The following C4orf36 variants were observed in gnomAD, a reference collection of about 807,000 sequenced individuals.
The protein encoded by C4orf36 is chromosome 4 open reading frame 36.
A neutral mutation model predicts 12.2 loss-of-function variants in C4orf36; 11 were observed. The ratio of observed to expected loss-of-function variants is 0.90; its 90% CI spans 0.57 to 1.49. C4orf36 has a LOEUF of 1.49. Among genes scored for constraint, C4orf36 ranks in the 40% most tolerant of loss-of-function variants. C4orf36 has a pLI of 0.00. For missense variants in C4orf36, 137 were observed against 133.9 expected, an observed-to-expected ratio of 1.02 and a Z score of -0.11; for synonymous variants, 54 against 51.3, an observed-to-expected ratio of 1.05 and a Z score of -0.22.
At chr4:86,888,753 C>T (rs760318398) in intron 2 of C4orf36, among the ~76,000 whole-genome samples, 14 of 152,196 alleles carry the variant, frequency 9.2e-5, no homozygotes, top group Non-Finnish European at 1.9e-4. Context: ...AAAAATTGTT[C>T]TCTTTCACCT....
intron 4 of C4orf36, among the ~76,000 whole-genome samples, chr4:86,878,321 G>A (rs1162444077): frequency 6.6e-6 from 1 of 152,108 alleles, no homozygotes; most frequent in Admixed American, 6.5e-5. Context: ...CTCGATATTG[G>A]AATGCATAGG....
At chr4:86,911,568 T>C in the C4orf36 span, among the ~76,000 whole-genome samples, 1 of 152,238 alleles carries the variant, frequency 6.6e-6, no homozygotes, top group South Asian at 2.1e-4. Flanking sequence ...TTTTTCTTAT[T>C]TCTTTGATGA....
the C4orf36 span, among the ~76,000 whole-genome samples, chr4:86,917,429 AAAAG>A: frequency 8.2e-3 from 1,239 of 150,384 alleles, 25 homozygotes; most frequent in African/African-American, 0.029. Flanking sequence ...GAGAGAAAGA[AAAAG>A]AAAGGGAGAG....
chr4:86,923,087 C>G, the C4orf36 span, among the ~76,000 whole-genome samples: 1 of 134,774 alleles, frequency 7.4e-6, no homozygotes, highest in African/African-American at 2.7e-5. Flanking sequence ...ATCCAGCTGC[C>G]TTTTTTTTTT....
rs1317740670 is a variant in C4orf36, at chr4:86,887,769, T to C, written c.345A>G (p.Pro115=). 6.2e-7 allele frequency: 1 copy of C among 1,614,252 alleles called. No individual in the cohort carries two copies. The highest frequency in any genetic ancestry group is 1.1e-5 in the South Asian group (1 of 91,090). The change falls in exon 4 of 5, where the codon CCA becomes CCG. Residue 115 remains proline, a synonymous_variant. Coordinates refer to ENST00000295898, the MANE Select transcript of C4orf36 (RefSeq NM_144645.4). The part of the protein sequence containing the change: ...ERPAGLRRPL[P]SK ...AATCATGAACTGACTGTCATTTAGA[T>C]GGAAGAGGTCTTCTCAAACCGGCTG...
At chr4:86,916,887 G>A in the C4orf36 span, among the ~76,000 whole-genome samples, 3 of 152,108 alleles carry the variant, frequency 2.0e-5, no homozygotes, top group African/African-American at 7.2e-5. Context: ...TAACTTAAAG[G>A]CAAAATTGCT....
the C4orf36 span, chr4:86,934,942 T>C: frequency 6.8e-6 from 1 of 147,994 alleles, no homozygotes; most frequent in African/African-American, 2.5e-5. Context: ...GAGGTGGGGG[T>C]GGGGGCGGGG....
chr4:86,923,711 T>C, the C4orf36 span, among the ~76,000 whole-genome samples: 2 of 149,442 alleles, frequency 1.3e-5, no homozygotes, highest in African/African-American at 2.5e-5. Context: ...TGTAGTGATC[T>C]GAGATCGCAC....
At chr4:86,886,397 A>G (rs1393720282) in intron 4 of C4orf36, 1 of 152,238 alleles carries the variant, frequency 6.6e-6, no homozygotes, top group Non-Finnish European at 1.5e-5. Context: ...CAGAATCTAC[A>G]AGGAACTCAA....
the C4orf36 span, chr4:86,925,728 G>T: frequency 6.6e-6 from 1 of 151,118 alleles, no homozygotes; most frequent in Non-Finnish European, 1.5e-5. Flanking sequence ...CTTTATGTAT[G>T]TTACTTTGAC....
the C4orf36 span, among the ~76,000 whole-genome samples, chr4:86,927,661 G>A: frequency 2.6e-5 from 4 of 152,046 alleles, no homozygotes; most frequent in Admixed American, 6.6e-5. Flanking sequence ...TTAGCCAGGC[G>A]TGGTGGTGGG....
the C4orf36 span, among the ~76,000 whole-genome samples, chr4:86,898,002 C>T: frequency 0.14 from 21,890 of 152,244 alleles, 2,054 homozygotes; most frequent in East Asian, 0.32. Context: ...GCTGTTACAA[C>T]GTCACCCTAT....
the C4orf36 span, among the ~76,000 whole-genome samples, chr4:86,915,631 T>C: frequency 6.6e-6 from 1 of 151,988 alleles, no homozygotes; most frequent in South Asian, 2.1e-4. Context: ...CTACTAAAAA[T>C]ACAAAATTAG....
the C4orf36 span, among the ~76,000 whole-genome samples, chr4:86,932,544 C>T: frequency 2.0e-5 from 3 of 151,896 alleles, no homozygotes; most frequent in Non-Finnish European, 4.4e-5. Context: ...GGGCACATTC[C>T]TCACCTGCCT....
chr4:86,932,772 G>GGT, the C4orf36 span, among the ~76,000 whole-genome samples: 1 of 124,334 alleles, frequency 8.0e-6, no homozygotes, highest in Non-Finnish European at 1.6e-5. Flanking sequence ...ATTTGGGGGG[G>GGT]TGGGGGGGTT....
At chr4:86,919,035 T>C in the C4orf36 span, among the ~76,000 whole-genome samples, 110 of 151,904 alleles carry the variant, frequency 7.2e-4, no homozygotes, top group African/African-American at 2.5e-3. Context: ...CCTGGGGGCA[T>C]TGGTGTAAGT....
chr4:86,893,549 G>A (rs375453373), upstream of C4orf36, among the ~76,000 whole-genome samples: 9 of 150,782 alleles, frequency 6.0e-5, no homozygotes, highest in African/African-American at 2.2e-4. Flanking sequence ...TGGCGCCACT[G>A]CATTCCAGCC....
intron 4 of C4orf36, among the ~76,000 whole-genome samples, chr4:86,883,406 C>A (rs189270949): frequency 6.6e-6 from 1 of 152,234 alleles, no homozygotes; most frequent in Admixed American, 6.5e-5. Flanking sequence ...TTTCAAGACT[C>A]CTGGTCTGCA....
the C4orf36 span, chr4:86,925,024 C>T: frequency 6.6e-6 from 1 of 152,068 alleles, no homozygotes; most frequent in Non-Finnish European, 1.5e-5. Flanking sequence ...GAGGAAGTGC[C>T]ACACATTTTT....
Sources: allele counts gnomAD v4.1 joint callset (sites outside exome capture counted in the v4.1 genomes callset), GRCh38; gene constraint gnomAD v4.1.1; transcripts MANE v1.5; gene names NCBI Gene and HGNC (gene_info 2026-07-23, HGNC 2026-07-21).